ACAD11: variants seen among roughly 807,000 people sequenced by gnomAD.
The protein encoded by ACAD11 is acyl-Coenzyme A dehydrogenase family, member 11.
A neutral mutation model predicts 102.2 loss-of-function variants in ACAD11; 83 were observed. The observed-to-expected ratio is 0.81, with a 90% confidence interval of 0.68 to 0.97. ACAD11 has a LOEUF of 0.97. Ranked by LOEUF, ACAD11 falls within the 50% of genes least tolerant of loss-of-function variation. ACAD11 has a pLI of 0.00. For synonymous variants in ACAD11, 324 were observed against 319.8 expected, an observed-to-expected ratio of 1.01 and a Z score of -0.14; for missense variants, 901 against 951.7, an observed-to-expected ratio of 0.95 and a Z score of 0.70.
chr3:132,647,359 G>GATAT (rs1383667683), intron 1 of ACAD11: 1 of 152,200 alleles, frequency 6.6e-6, no homozygotes, highest in Non-Finnish European at 1.5e-5. Context: ...GATATTTGGT[G>GATAT]CTGAGAGAAA....
chr3:132,655,458 C>T (rs1937737499), intron 1 of ACAD11, among the ~76,000 whole-genome samples: 2 of 152,186 alleles, frequency 1.3e-5, no homozygotes, highest in African/African-American at 4.8e-5. Context: ...TACACTACTT[C>T]AGGCATTTGG....
intron 7 of ACAD11, among the ~76,000 whole-genome samples, chr3:132,629,401 C>T (rs1331922454): frequency 1.3e-5 from 2 of 152,186 alleles, no homozygotes; most frequent in Middle Eastern, 3.2e-3. Flanking sequence ...CTCAGGTGAT[C>T]CACCCACCTC....
rs1370201091 is a variant in ACAD11 at position 132,584,604 on chromosome 3, G to A, written c.1622-5046C>T. ...TGTGTGAATTTGATCCTGTCATTATGATGTTAGCTGGTTATTTTGCTCATT... is the reference window on the plus strand; with the variant it reads ...TGTGTGAATTTGATCCTGTCATTATAATGTTAGCTGGTTATTTTGCTCATT... On this transcript the variant is annotated intron_variant, in intron 13 of 19. Transcript: ENST00000264990. Among the ~76,000 whole-genome samples, 8 of 152,150 alleles carry A rather than the reference G, an allele frequency of 5.3e-5. No homozygotes were observed. The East Asian group carries it at 1.3e-3, about 26-fold the overall frequency.
intron 2 of ACAD11, 110 bp downstream of exon 2, chr3:132,644,687 T>G: frequency 2.2e-6 from 1 of 450,284 alleles, no homozygotes; most frequent in Non-Finnish European, 3.9e-6. Flanking sequence ...AAAATATATT[T>G]TATATTATTT....
At chr3:132,656,934 G>A (rs900395895) in intron 1 of ACAD11, among the ~76,000 whole-genome samples, 2 of 151,402 alleles carry the variant, frequency 1.3e-5, no homozygotes, top group Admixed American at 6.6e-5. Flanking sequence ...TTTTTCTGGT[G>A]AGCTATTATA....
chr3:132,652,664 GA>G (rs1404686534), intron 1 of ACAD11, among the ~76,000 whole-genome samples: 1 of 151,606 alleles, frequency 6.6e-6, no homozygotes, highest in Non-Finnish European at 1.5e-5. Context: ...CAGATCATGA[GA>G]AAAAAAATTA....
chr3:132,593,555 G>A (rs1938170366), intron 13 of ACAD11, among the ~76,000 whole-genome samples: 1 of 152,106 alleles, frequency 6.6e-6, no homozygotes, highest in African/African-American at 2.4e-5. Flanking sequence ...CAATATTTTA[G>A]AAAAACAGAC....
At chr3:132,637,770 A>C (rs1444729484) in intron 5 of ACAD11, among the ~76,000 whole-genome samples, 1 of 152,106 alleles carries the variant, frequency 6.6e-6, no homozygotes, top group Non-Finnish European at 1.5e-5. Flanking sequence ...AACAGAAAAT[A>C]ATTTCGTTTT....
intron 11 of ACAD11, among the ~76,000 whole-genome samples, chr3:132,615,978 GA>G (rs1231811729): frequency 6.6e-6 from 1 of 152,148 alleles, no homozygotes. Flanking sequence ...AACTATTTGG[GA>G]AATGATCTGG....
At chr3:132,652,486 A>G (rs952369287) in intron 1 of ACAD11, among the ~76,000 whole-genome samples, 1 of 152,002 alleles carries the variant, frequency 6.6e-6, no homozygotes, top group Non-Finnish European at 1.5e-5. Context: ...CCTTGAATAC[A>G]CCTTCAGTAT....
rs1239455834 is a variant in ACAD11 at position 132,558,742 on chromosome 3, GCA to G, written c.*227_*228del. On this transcript the variant is annotated 3_prime_UTR_variant, in exon 20 of 20. Coordinates refer to ENST00000264990, the MANE Select transcript of ACAD11 (RefSeq NM_032169.5). The stretch of plus-strand genomic sequence containing the variant: ...GTCCTGAACTCCTGGCCTCAAGGAG[GCA>G]CTAGATTGAATGACAACAGCTACAG... 1.7e-4 allele frequency: 77 copies of G among 459,312 alleles called. No individual in the cohort carries two copies. Among genetic ancestry groups the G allele is most frequent in the South Asian group, 1.6e-3 (48 of 30,860 alleles). The allele number at this position is 459,312 out of a possible 1,614,324, so 28.5% of individuals were successfully genotyped here.
At chr3:132,611,480 G>A (rs1383593863) in intron 11 of ACAD11, among the ~76,000 whole-genome samples, 1 of 152,070 alleles carries the variant, frequency 6.6e-6, no homozygotes, top group Admixed American at 6.6e-5. Flanking sequence ...AAACCCCATC[G>A]TCTCAGCCCA....
At chr3:132,633,307 C>T (rs1309490558) in intron 5 of ACAD11, among the ~76,000 whole-genome samples, 1 of 152,106 alleles carries the variant, frequency 6.6e-6, no homozygotes, top group African/African-American at 2.4e-5. Context: ...TTGTCTAAAG[C>T]CTTTTCTGCA....
At chr3:132,656,891 T>A (rs1937839880) in intron 1 of ACAD11, among the ~76,000 whole-genome samples, 1 of 151,962 alleles carries the variant, frequency 6.6e-6, no homozygotes, top group Non-Finnish European at 1.5e-5. Context: ...TACTACAGTA[T>A]AATAAAGTTG....
In ACAD11 at chr3:132,630,340, C is replaced by A. The variant is rs1393519635; in HGVS notation, c.963+97G>T. On this transcript the variant is annotated intron_variant, in intron 7 of 19. Transcript: ENST00000264990. ...CTGTCATTATGATAAGCCAAATGATCTAAGGATAAAGAATATAAAACCCGG... is the reference window on the plus strand; with the variant it reads ...CTGTCATTATGATAAGCCAAATGATATAAGGATAAAGAATATAAAACCCGG... 2.3e-6 allele frequency: 3 copies of A among 1,281,622 alleles called. No individual in the cohort carries two copies. The African/African-American group carries it at 4.6e-5, about 20-fold the overall frequency. The allele number at this position is 1,281,622 out of a possible 1,614,324, so 79.4% of individuals were successfully genotyped here.
chr3:132,631,450 C>T lies in ACAD11; in HGVS notation c.732G>A (p.Glu244=). The change falls in exon 6 of 20, where the codon GAG becomes GAA. Residue 244 remains glutamate, a synonymous_variant. Transcript: ENST00000264990. ...ACAAAGGATGACCAATGGTTGACAG[C>T]TCCCAATCCAGCACTGCTATAACTC... The part of the protein sequence containing the change: ...ECRVIAVLDW[E]LSTIGHPLSD... 6.5e-7 allele frequency: 1 copy of T among 1,542,110 alleles called. No homozygotes were observed. Among genetic ancestry groups the T allele is most frequent in the South Asian group, 1.3e-5 (1 of 78,190 alleles).
intron 11 of ACAD11, among the ~76,000 whole-genome samples, chr3:132,611,662 T>C (rs1939154960): frequency 1.3e-5 from 2 of 151,900 alleles, no homozygotes; most frequent in South Asian, 2.1e-4. Context: ...GAATCCAACT[T>C]ACAAGGGATG....
intron 1 of ACAD11, among the ~76,000 whole-genome samples, chr3:132,653,933 TTA>T (rs1937645207): frequency 1.3e-5 from 2 of 152,184 alleles, no homozygotes; most frequent in Admixed American, 1.3e-4. Flanking sequence ...GCTCTCAAAT[TTA>T]TATGTCTAGT....
rs1199810375 is a variant in ACAD11 at position 132,620,786 on chromosome 3, T to C, written c.1198-1241A>G. 6.6e-5 allele frequency among the ~76,000 whole-genome samples: 10 copies of C among 152,294 alleles called. No homozygotes were observed. The East Asian group carries it at 1.5e-3, about 24-fold the overall frequency. ...TCCCAAATTTTGGTGGCTCTCAGAA[T>C]CTCCTGGGGAACTTGATAAAAATAT... On this transcript the variant is annotated intron_variant, in intron 9 of 19. Coordinates refer to ENST00000264990, the MANE Select transcript of ACAD11 (RefSeq NM_032169.5).
Sources: allele counts gnomAD v4.1 joint callset (sites outside exome capture counted in the v4.1 genomes callset), GRCh38; gene constraint gnomAD v4.1.1; transcripts MANE v1.5; gene names NCBI Gene and HGNC (gene_info 2026-07-23, HGNC 2026-07-21).